The following TM9SF2 variants were observed in gnomAD, a reference collection of about 807,000 sequenced individuals.
TM9SF2 encodes the protein 76 kDa membrane protein.
Under a neutral mutation model 84.9 loss-of-function variants are expected in TM9SF2, and 13 were observed. That is an observed-to-expected ratio of 0.15 (90% CI 0.10 to 0.24). The LOEUF is 0.24. TM9SF2 is among the 10% of genes least tolerant of loss of function. The probability of loss-of-function intolerance (pLI) is 1.00; values close to 1 mark genes in which losing one functional copy is unlikely to be tolerated. For missense variants in TM9SF2, 562 were observed against 818.5 expected (o/e 0.69, Z 3.82); for synonymous variants, 273 against 285.8 (o/e 0.96, Z 0.45).
chr13:99,533,239 A>G (rs1234291227), intron 4 of TM9SF2, among the ~76,000 whole-genome samples: 1 of 152,242 alleles, frequency 6.6e-6, no homozygotes, highest in Non-Finnish European at 1.5e-5. Flanking sequence ...CATGCCGATG[A>G]GAAAACACAA....
At chr13:99,503,842 G>C (rs1369530652) in intron 1 of TM9SF2, among the ~76,000 whole-genome samples, 1 of 152,130 alleles carries the variant, frequency 6.6e-6, no homozygotes, top group Non-Finnish European at 1.5e-5. Flanking sequence ...TAAGTGGCTA[G>C]GTTGTATTCT....
At chr13:99,507,561 T>C (rs2046093898) in intron 1 of TM9SF2, among the ~76,000 whole-genome samples, 1 of 152,166 alleles carries the variant, frequency 6.6e-6, no homozygotes, top group Admixed American at 6.5e-5. Context: ...CCCTGGTAAT[T>C]ATCTAGGAGA....
chr13:99,524,378 G>A (rs115373450), intron 3 of TM9SF2, among the ~76,000 whole-genome samples: 3,384 of 152,216 alleles, frequency 0.022, 134 homozygotes, highest in African/African-American at 0.078. Flanking sequence ...GGGATGGGAT[G>A]TGGAGTGTGG....
intron 1 of TM9SF2, among the ~76,000 whole-genome samples, chr13:99,508,760 G>A (rs1038629375): frequency 1.3e-5 from 2 of 152,104 alleles, no homozygotes; most frequent in Non-Finnish European, 2.9e-5. Context: ...TTTACAACAA[G>A]CAGATCTCAC....
chr13:99,526,012 G>C (rs890091728), intron 3 of TM9SF2, among the ~76,000 whole-genome samples: 1 of 152,210 alleles, frequency 6.6e-6, no homozygotes, highest in African/African-American at 2.4e-5. Context: ...GGAGAGGTTG[G>C]CCTCAGTGAG....
intron 4 of TM9SF2, among the ~76,000 whole-genome samples, chr13:99,534,492 GAAAA>G (rs199913484): frequency 6.6e-6 from 1 of 151,210 alleles, no homozygotes; most frequent in Non-Finnish European, 1.5e-5. Context: ...AAAAAGAAAA[GAAAA>G]AAAAATGCCA....
intron 10 of TM9SF2, among the ~76,000 whole-genome samples, chr13:99,544,969 C>G (rs1856477740): frequency 6.6e-6 from 1 of 151,990 alleles, no homozygotes; most frequent in African/African-American, 2.4e-5. Flanking sequence ...CACTGTCTTC[C>G]AGTTTCCTTA....
At chr13:99,510,008 T>C (rs1259679275) in intron 1 of TM9SF2, among the ~76,000 whole-genome samples, 1 of 152,224 alleles carries the variant, frequency 6.6e-6, no homozygotes, top group African/African-American at 2.4e-5. Context: ...CTTGAATACT[T>C]TGCTGCTTAA....
intron 13 of TM9SF2, among the ~76,000 whole-genome samples, chr13:99,553,536 C>A (rs2046314208): frequency 6.6e-6 from 1 of 152,202 alleles, no homozygotes; most frequent in Admixed American, 6.5e-5. Context: ...ACATGATTCT[C>A]TGCCTGTATA....
intron 1 of TM9SF2, among the ~76,000 whole-genome samples, chr13:99,504,038 T>G (rs1022650439): frequency 1.2e-4 from 19 of 152,248 alleles, no homozygotes; most frequent in African/African-American, 4.3e-4. Context: ...TTCAGCTTTT[T>G]TCCTGCGATA....
chr13:99,539,596 A>G (rs755198786), intron 7 of TM9SF2, 39 bp downstream of exon 7: 4 of 1,316,682 alleles, frequency 3.0e-6, no homozygotes, highest in Non-Finnish European at 2.2e-6. Flanking sequence ...TCTGAAATTG[A>G]TTTTAAATTT....
rs1317295195 is a variant in TM9SF2, at chr13:99,552,171, G to T, written c.1333G>T (p.Val445Leu). The T allele has an allele frequency of 5.0e-6, 8 of 1,613,298 alleles. No homozygotes were observed. The highest frequency in any genetic ancestry group is 6.8e-6 in the Non-Finnish European group (8 of 1,179,794). ...LLTSFLCPGI[V>L]FADFFIMNLI... is the part of the protein sequence containing the mutation. Reference sequence around the variant, plus strand: ...AAAGCCTGTTGTGTCTTTCAGGATTGTATTTGCTGACTTCTTTATAATGAA... The same window carrying T: ...AAAGCCTGTTGTGTCTTTCAGGATTTTATTTGCTGACTTCTTTATAATGAA... The change falls in exon 13 of 17, where the codon GTA becomes TTA. Residue 445 changes from valine to leucine, a missense_variant. By Grantham distance (32) the Val-to-Leu change is conservative (BLOSUM62 1). Coordinates refer to ENST00000376387, the MANE Select transcript of TM9SF2 (RefSeq NM_004800.3).
chr13:99,537,771 C>A lies in TM9SF2; in HGVS notation c.624C>A (p.Ile208=). ...TCCATGAAAGAGATACATTTTACAT[C>A]TTCAACCATGTTGACATCAAAATAT... ...SDFHERDTFY[I]FNHVDIKIYY... is the part of the protein sequence containing the mutation. Residue 208 remains isoleucine (I), a synonymous_variant, in exon 6 of 17, where the codon ATC becomes ATA. Transcript: ENST00000376387. 1 of 1,609,724 alleles carries A rather than the reference C, an allele frequency of 6.2e-7. No homozygotes were observed. Among genetic ancestry groups the A allele is most frequent in the Non-Finnish European group, 8.5e-7 (1 of 1,179,212 alleles).
chr13:99,508,632 C>T (rs934534196), intron 1 of TM9SF2, among the ~76,000 whole-genome samples: 7 of 152,170 alleles, frequency 4.6e-5, no homozygotes, highest in Admixed American at 6.5e-5. Context: ...GGACATCGCT[C>T]GACTTCTAGT....
At chr13:99,513,945 G>A (rs2046123889) in intron 1 of TM9SF2, among the ~76,000 whole-genome samples, 1 of 152,154 alleles carries the variant, frequency 6.6e-6, no homozygotes, top group South Asian at 2.1e-4. Context: ...TACAGGAAAA[G>A]TTTGCCAGCC....
chr13:99,537,897 T>A (rs773030859), intron 6 of TM9SF2, 34 bp downstream of exon 6: 3 of 1,582,494 alleles, frequency 1.9e-6, no homozygotes, highest in Non-Finnish European at 2.6e-6. Context: ...TAAACAAGTA[T>A]AAGTGAAATT....
At chr13:99,521,912 GCCCA>G (rs912347334) in intron 3 of TM9SF2, among the ~76,000 whole-genome samples, 7 of 152,092 alleles carry the variant, frequency 4.6e-5, no homozygotes, top group Admixed American at 1.3e-4. Context: ...TCACTCTGTT[GCCCA>G]GGCTTGTCCT....
At chr13:99,551,429 AGTCCTAG>A (rs2046305181) in intron 12 of TM9SF2, among the ~76,000 whole-genome samples, 1 of 152,240 alleles carries the variant, frequency 6.6e-6, no homozygotes, top group South Asian at 2.1e-4. Context: ...GAAAGTTGTC[AGTCCTAG>A]GTGGAGTCAA....
At position 99,527,143 on chromosome 13, in the gene TM9SF2, T is replaced by C. The variant is rs9517758; in HGVS notation, c.334-2324T>C. Among the ~76,000 whole-genome samples, 4 of 152,122 alleles carry C rather than the reference T, an allele frequency of 2.6e-5. No individual in the cohort carries two copies. In the East Asian group the frequency reaches 7.7e-4, roughly 29 times the overall value. ...GAGGGGGGATACATTTTGGGATTCA[T>C]ATGTGGGAATGGAAGGATGACATGG... On this transcript the variant is annotated intron_variant, in intron 3 of 16. Transcript: ENST00000376387.
Sources: gnomAD v4.1 joint callset for allele counts (sites outside exome capture counted in the v4.1 genomes callset) on GRCh38, gnomAD v4.1.1 for gene constraint, MANE v1.5 for transcripts, NCBI Gene and HGNC (gene_info 2026-07-23, HGNC 2026-07-21) for gene names.